CEP162: variants seen among roughly 807,000 people sequenced by gnomAD.
CEP162 encodes the protein centrosomal protein of 162 kDa.
In CEP162, 141 loss-of-function variants were observed where a neutral mutation model predicts 169.2. The observed-to-expected ratio is 0.83, with a 90% CI of 0.73 to 0.96. The LOEUF is 0.96. CEP162 is among the 40% of genes least tolerant of loss of function. CEP162 has a pLI of 0.00. For missense variants in CEP162, 1,600 were observed against 1,587.2 expected (o/e 1.01, Z -0.14); for synonymous variants, 540 against 526.4 (o/e 1.03, Z -0.35).
intron 25 of CEP162, among the ~76,000 whole-genome samples, chr6:84,133,681 G>A (rs1394215024): frequency 1.3e-5 from 2 of 152,212 alleles, no homozygotes; most frequent in Non-Finnish European, 1.5e-5. Context: ...GGGATATAAT[G>A]TCCTGGTGTG....
At chr6:84,215,224 C>T in intron 5 of CEP162, 58 bp downstream of exon 5, 1 of 937,324 alleles carries the variant, frequency 1.1e-6, no homozygotes, top group East Asian at 2.9e-5. Flanking sequence ...ACACATATAT[C>T]AGCCTTCCAA....
intron 6 of CEP162, among the ~76,000 whole-genome samples, chr6:84,212,331 C>T (rs1348268614): frequency 6.6e-6 from 1 of 151,990 alleles, no homozygotes; most frequent in Non-Finnish European, 1.5e-5. Context: ...TAATTGATTG[C>T]TTTAACAACA....
intron 11 of CEP162, among the ~76,000 whole-genome samples, chr6:84,188,536 T>C (rs1056616698): frequency 2.0e-5 from 3 of 152,214 alleles, no homozygotes; most frequent in African/African-American, 7.2e-5. Context: ...TCTAGCTTCA[T>C]CCATGTTGGT....
chr6:84,144,311 T>A (rs900254747), intron 25 of CEP162, among the ~76,000 whole-genome samples: 1 of 152,048 alleles, frequency 6.6e-6, no homozygotes, highest in Non-Finnish European at 1.5e-5. Flanking sequence ...GTTCCAGAAG[T>A]TGTATACAAT....
intron 3 of CEP162, among the ~76,000 whole-genome samples, chr6:84,220,082 T>C (rs888140461): frequency 2.6e-5 from 4 of 152,032 alleles, no homozygotes; most frequent in Non-Finnish European, 5.9e-5. Flanking sequence ...TGATTACCTA[T>C]GGCTACAGTA....
intron 2 of CEP162, among the ~76,000 whole-genome samples, chr6:84,222,005 T>C (rs58609209): frequency 0.021 from 3,185 of 151,578 alleles, 113 homozygotes; most frequent in African/African-American, 0.072. Flanking sequence ...CCTAGCATAG[T>C]ACCAGGCACA....
At chr6:84,127,269 T>C (rs2099509313) in intron 25 of CEP162, among the ~76,000 whole-genome samples, 1 of 152,132 alleles carries the variant, frequency 6.6e-6, no homozygotes, top group African/African-American at 2.4e-5. Context: ...TGAAAATGGA[T>C]AGAACTAACA....
At chr6:84,217,760 G>A (rs931954479) in intron 3 of CEP162, 1 of 152,182 alleles carries the variant, frequency 6.6e-6, no homozygotes, top group African/African-American at 2.4e-5. Context: ...TGTAGTTAAT[G>A]TAGTCACCAA....
intron 25 of CEP162, among the ~76,000 whole-genome samples, chr6:84,134,818 G>GGGGGGGATA (rs1181217995): frequency 2.6e-5 from 4 of 151,680 alleles, no homozygotes; most frequent in Non-Finnish European, 5.9e-5. Flanking sequence ...CCCCCCCACA[G>GGGGGGGATA]ATTAAACTTT....
chr6:84,196,678 G>C (rs930849845), intron 9 of CEP162, among the ~76,000 whole-genome samples: 6 of 152,088 alleles, frequency 3.9e-5, no homozygotes, highest in African/African-American at 1.4e-4. Context: ...TAATTAACCA[G>C]TTATTAAAAA....
chr6:84,207,604 T>C (rs1362467188), intron 6 of CEP162, among the ~76,000 whole-genome samples: 2 of 151,230 alleles, frequency 1.3e-5, no homozygotes, highest in Admixed American at 1.3e-4. Flanking sequence ...TATTCGGAGA[T>C]ATACCTAATG....
At chr6:84,146,606 G>C (rs977097734) in intron 25 of CEP162, 81 bp downstream of exon 25, 2 of 622,268 alleles carry the variant, frequency 3.2e-6, no homozygotes, top group Non-Finnish European at 5.6e-6. Flanking sequence ...TGTACATTTA[G>C]GTAAAAAATT....
chr6:84,163,198 C>T lies in CEP162; in HGVS notation c.2458G>A (p.Glu820Lys), dbSNP rs201453734. ...QDKQALEVDF[E>K]KMKKERDQAK... ...TGGTCCCTCTCTTTCTTCATTTTTT[C>T]GAAGTCTACTTCAAGAGCTTGTTTG... The change falls in exon 19 of 27, where the codon GAA becomes AAA. Residue 820 changes from glutamate (E) to lysine (K), a missense_variant. Physicochemically the swap from Glu to Lys is moderately conservative, Grantham distance 56. Coordinates refer to ENST00000403245, the MANE Select transcript of CEP162 (RefSeq NM_014895.4). The T allele has an allele frequency of 9.9e-6, 16 of 1,612,706 alleles. No homozygotes were observed. In the East Asian group the frequency reaches 2.2e-4, roughly 22 times the overall value.
chr6:84,158,543 C>A (rs778223276), intron 21 of CEP162, among the ~76,000 whole-genome samples: 2 of 152,110 alleles, frequency 1.3e-5, no homozygotes, highest in Non-Finnish European at 2.9e-5. Flanking sequence ...AATATTTACA[C>A]TTGTGAAAAC....
chr6:84,159,909 T>C (rs181100280), intron 21 of CEP162, among the ~76,000 whole-genome samples: 22 of 152,106 alleles, frequency 1.4e-4, no homozygotes, highest in Non-Finnish European at 2.6e-4. Context: ...CATACCACAT[T>C]TGGCTGATCC....
intron 25 of CEP162, among the ~76,000 whole-genome samples, chr6:84,129,910 A>T (rs1309706650): frequency 6.6e-6 from 1 of 151,990 alleles, no homozygotes; most frequent in Non-Finnish European, 1.5e-5. Context: ...ATTGAATAGG[A>T]GTGGTGAGAG....
chr6:84,168,508 G>A (rs1480188492), intron 18 of CEP162, among the ~76,000 whole-genome samples: 1 of 152,126 alleles, frequency 6.6e-6, no homozygotes, highest in Non-Finnish European at 1.5e-5. Flanking sequence ...TAGATTGGAA[G>A]GGCTTTTTAG....
chr6:84,180,733 C>G (rs2099534449), intron 13 of CEP162, among the ~76,000 whole-genome samples: 1 of 152,026 alleles, frequency 6.6e-6, no homozygotes, highest in African/African-American at 2.4e-5. Flanking sequence ...CATGAGTGAA[C>G]TCCCATTCAC....
chr6:84,204,738 T>C (rs148973627), intron 6 of CEP162, among the ~76,000 whole-genome samples: 3,731 of 152,054 alleles, frequency 0.025, 138 homozygotes, highest in African/African-American at 0.085. Context: ...CAGAGCAGAA[T>C]TGAAGGAGAT....
Sources: gnomAD v4.1 joint callset for allele counts (sites outside exome capture counted in the v4.1 genomes callset) on GRCh38, gnomAD v4.1.1 for gene constraint, MANE v1.5 for transcripts, NCBI Gene and HGNC (gene_info 2026-07-23, HGNC 2026-07-21) for gene names.